Variants in PCNX2 observed in about 807,000 individuals in gnomAD.
The protein encoded by PCNX2 is pecanex 2.
PCNX2 carries 168 observed loss-of-function variants against 223.8 expected under a neutral mutation model. The observed-to-expected ratio is 0.75, with a 90% confidence interval of 0.66 to 0.85. The LOEUF (loss-of-function observed/expected upper bound fraction) is 0.85, where lower values mean the gene tolerates loss of function less well. Ranked by LOEUF, PCNX2 falls within the 40% of genes least tolerant of loss-of-function variation. The probability of loss-of-function intolerance (pLI) is 0.00; values close to 1 mark genes in which losing one functional copy is unlikely to be tolerated. For missense variants in PCNX2, 2,507 were observed against 2,675.5 expected (o/e 0.94, Z 1.39); for synonymous variants, 1,006 against 1,052.6 (o/e 0.96, Z 0.86).
rs184322261 is a variant in PCNX2 at position 233,017,479 on chromosome 1, A to G, written c.4606-325T>C. 5.1e-3 allele frequency among the ~76,000 whole-genome samples: 773 copies of G among 151,942 alleles called. 3 individuals are homozygous for G. Among genetic ancestry groups the G allele is most frequent in the Admixed American group, 7.5e-3 (115 of 15,276 alleles). ...ACTACAGGCGCCCGCCACCACGCCC[A>G]GCTAATTTTTTCTATTTTAGTGGAG... On this transcript the variant is annotated intron_variant, in intron 26 of 33. Coordinates refer to ENST00000258229, the MANE Select transcript of PCNX2 (RefSeq NM_014801.4).
intron 1 of PCNX2, among the ~76,000 whole-genome samples, chr1:233,278,082 T>C (rs144371040): frequency 0.01 from 1,548 of 152,336 alleles, 14 homozygotes; most frequent in South Asian, 0.028. Flanking sequence ...TAGACAGTTA[T>C]CACACTTTTA....
the PCNX2 span, among the ~76,000 whole-genome samples, chr1:233,312,798 A>G: frequency 6.6e-6 from 1 of 152,206 alleles, no homozygotes; most frequent in African/African-American, 2.4e-5. Context: ...AAGGATGTCT[A>G]GTAAAATAGG....
intron 19 of PCNX2, among the ~76,000 whole-genome samples, chr1:233,148,542 A>G (rs1321727552): frequency 1.3e-5 from 2 of 151,520 alleles, no homozygotes; most frequent in Non-Finnish European, 2.9e-5. Flanking sequence ...CTGGGATTAC[A>G]TGAGTGTGCC....
intron 23 of PCNX2, among the ~76,000 whole-genome samples, chr1:233,060,505 T>C (rs1235526744): frequency 2.0e-5 from 3 of 152,260 alleles, no homozygotes; most frequent in Non-Finnish European, 4.4e-5. Context: ...CCCCAGGACC[T>C]CTGGCTCTCC....
intron 25 of PCNX2, chr1:233,033,176 G>T: frequency 1.0e-6 from 1 of 985,386 alleles, no homozygotes; most frequent in African/African-American, 1.7e-5. Flanking sequence ...TTTAATTGTG[G>T]CTGTGTTTGC....
At chr1:233,121,760 A>G (rs964336177) in intron 21 of PCNX2, among the ~76,000 whole-genome samples, 112 of 152,336 alleles carry the variant, frequency 7.4e-4, no homozygotes, top group African/African-American at 2.5e-3. Flanking sequence ...GTAGTAATAG[A>G]TTAGATTTGA....
chr1:233,094,560 A>AT (rs1413426578), intron 22 of PCNX2, among the ~76,000 whole-genome samples: 9 of 152,070 alleles, frequency 5.9e-5, no homozygotes, highest in Admixed American at 2.0e-4. Context: ...TATGCTTAAC[A>AT]TTTTTTTTAA....
Position 233,055,637 on chromosome 1 carries a change from C to T in PCNX2, c.4136-1154G>A, listed in dbSNP as rs1434235075. ...GAAGCCTAGGCAAAATGTTCACGTT[C>T]ATGACTTTTATTCTAGGAGTAGCTT... On this transcript the variant is annotated intron_variant, in intron 24 of 33. Coordinates refer to ENST00000258229, the MANE Select transcript of PCNX2 (RefSeq NM_014801.4). Among the ~76,000 whole-genome samples, 4 of 152,058 alleles carry T rather than the reference C, an allele frequency of 2.6e-5. No homozygotes were observed. The East Asian group carries it at 7.7e-4, about 29-fold the overall frequency.
intron 15 of PCNX2, among the ~76,000 whole-genome samples, chr1:233,186,472 C>A (rs545931448): frequency 5.9e-5 from 9 of 152,112 alleles, no homozygotes; most frequent in Non-Finnish European, 1.0e-4. Context: ...ATGTGGCCGG[C>A]ACGTGTGGGT....
chr1:233,250,615 C>T, intron 8 of PCNX2, 124 bp downstream of exon 8: 2 of 1,336,752 alleles, frequency 1.5e-6, no homozygotes, highest in South Asian at 4.6e-5. Context: ...TACAAAACCA[C>T]ATGCCTTAAC....
intron 5 of PCNX2, among the ~76,000 whole-genome samples, chr1:233,254,506 TTTTTTTCC>T (rs935034686): frequency 5.3e-5 from 8 of 152,198 alleles, no homozygotes; most frequent in Non-Finnish European, 7.4e-5. Context: ...ATATGGACGG[TTTTTTTCC>T]TTTTTTCCTT....
At chr1:233,049,549 C>T (rs1227399212) in intron 25 of PCNX2, among the ~76,000 whole-genome samples, 2 of 152,210 alleles carry the variant, frequency 1.3e-5, no homozygotes, top group African/African-American at 4.8e-5. Context: ...GAAACCAGAA[C>T]AAGACAAGGA....
chr1:233,025,151 T>G lies in PCNX2; in HGVS notation c.4600A>C (p.Ile1534Leu). Residue 1534 changes from isoleucine (I) to leucine (L), a missense_variant, in exon 26 of 34, where the codon ATC becomes CTC. This residue lies in a region of PCNX2 where 1,372 missense variants were observed against 1,509.4 expected (regional missense o/e 0.91). Transcript: ENST00000258229. ...DLRRILIRYY[I>L]KSIIYYMVTS... is the part of the protein sequence containing the mutation. ...TTTGGGAAACAGAGCAATACCTTGA[T>G]GTAGTAGCGGATGAGGATCCTTCGG... 6.2e-7 allele frequency: 1 copy of G among 1,613,944 alleles called. No individual in the cohort carries two copies. The highest frequency in any genetic ancestry group is 1.1e-5 in the South Asian group (1 of 91,078).
the PCNX2 span, among the ~76,000 whole-genome samples, chr1:233,303,648 T>TC: frequency 0.034 from 3,025 of 87,830 alleles, 119 homozygotes; most frequent in African/African-American, 0.092. Flanking sequence ...TCCAGGAATT[T>TC]TTTTTTATTA....
chr1:233,289,491 G>A lies in PCNX2; in HGVS notation c.153+5835C>T, dbSNP rs1037575592. On this transcript the variant is annotated intron_variant, in intron 1 of 33. Coordinates refer to ENST00000258229, the MANE Select transcript of PCNX2 (RefSeq NM_014801.4). ...CTTGCCGAGCGCCGGCTTAGGAAGAGCAGAAGGATGCCTTTTAAGCAACTC... is the reference window on the plus strand; with the variant it reads ...CTTGCCGAGCGCCGGCTTAGGAAGAACAGAAGGATGCCTTTTAAGCAACTC... The A allele has an allele frequency of 7.4e-6, 6 of 811,808 alleles. No homozygotes were observed. In the Admixed American group the frequency reaches 1.2e-4, roughly 16 times the overall value. The allele number at this position is 811,808 out of a possible 1,614,324, so 50.3% of individuals were successfully genotyped here.
At chr1:233,284,138 C>G (rs75571393) in intron 1 of PCNX2, among the ~76,000 whole-genome samples, 1,548 of 152,266 alleles carry the variant, frequency 0.01, 14 homozygotes, top group South Asian at 0.028. Context: ...AAACCAAAAA[C>G]CCCAGCTCTC....
Position 233,295,177 on chromosome 1 carries a change from T to G in PCNX2, c.153+149A>C. ...CAGTCCCCTTTCCCTGCATGTTCTCTGTCCCAAATTTCTGAAGCCCCTCCC... is the reference window on the plus strand; with the variant it reads ...CAGTCCCCTTTCCCTGCATGTTCTCGGTCCCAAATTTCTGAAGCCCCTCCC... On this transcript the variant is annotated intron_variant, in intron 1 of 33. Transcript: ENST00000258229. The surrounding 1 kb of genome is among the most constrained non-coding windows in gnomAD (Gnocchi z 4.1). 8.8e-7 allele frequency: 1 copy of G among 1,138,388 alleles called. No individual in the cohort carries two copies. Among genetic ancestry groups the G allele is most frequent in the South Asian group, 1.6e-5 (1 of 64,016 alleles). The allele number at this position is 1,138,388 out of a possible 1,614,324, so 70.5% of individuals were successfully genotyped here.
Position 233,179,109 on chromosome 1 carries a change from AAAGGGCGACC to A in PCNX2, c.3123_3132del (p.Leu1041PhefsTer5). 1 of 1,613,928 alleles carries A rather than the reference AAAGGGCGACC, an allele frequency of 6.2e-7. No individual in the cohort carries two copies. The highest frequency in any genetic ancestry group is 8.5e-7 in the Non-Finnish European group (1 of 1,179,838). On this transcript the variant is annotated frameshift_variant, in exon 16 of 34. Coordinates refer to ENST00000258229, the MANE Select transcript of PCNX2 (RefSeq NM_014801.4). LOFTEE classifies it high-confidence loss of function. ...CTGCTCTGACGGCTCAGATGGTAAGAAAGGGCGACCAAGAGGCCACAGAAGGCCGAAAACA... is the reference window on the plus strand; with the variant it reads ...CTGCTCTGACGGCTCAGATGGTAAGAAAGAGGCCACAGAAGGCCGAAAACA...
At chr1:233,218,440 T>TG (rs1558356394) in intron 10 of PCNX2, among the ~76,000 whole-genome samples, 1 of 151,370 alleles carries the variant, frequency 6.6e-6, no homozygotes, top group East Asian at 2.0e-4. Flanking sequence ...TTAGTAGAGA[T>TG]GGGGTTTCAC....
Sources: gnomAD v4.1 joint callset for allele counts (sites outside exome capture counted in the v4.1 genomes callset) on GRCh38, gnomAD v4.1.1 for gene constraint, gnomAD v4.1.1 regional missense constraint, Gnocchi (gnomAD v3.1) non-coding constraint, MANE v1.5 for transcripts, NCBI Gene and HGNC (gene_info 2026-07-23, HGNC 2026-07-21) for gene names.